ASCC3: variants seen among roughly 807,000 people sequenced by gnomAD.
ASCC3 encodes the protein ASC-1 complex subunit P200.
ASCC3 carries 158 observed loss-of-function variants against 256.3 expected under a neutral mutation model. That is an observed-to-expected ratio of 0.62 (90% CI 0.54 to 0.70). The LOEUF is 0.70. ASCC3 is among the 30% of genes least tolerant of loss of function. ASCC3 has a pLI of 0.00. For synonymous variants in ASCC3, 948 were observed against 883.4 expected (o/e 1.07, Z -1.30); for missense variants, 2,259 against 2,626.0 (o/e 0.86, Z 3.05).
intron 14 of ASCC3, among the ~76,000 whole-genome samples, chr6:100,664,646 T>C (rs1245976411): frequency 6.6e-6 from 1 of 152,164 alleles, no homozygotes; most frequent in Non-Finnish European, 1.5e-5. Context: ...ACTTTAGGAC[T>C]AATTACACTT....
intron 10 of ASCC3, among the ~76,000 whole-genome samples, chr6:100,741,929 T>C (rs1780453735): frequency 6.6e-6 from 1 of 152,204 alleles, no homozygotes; most frequent in Admixed American, 6.5e-5. Context: ...ATTGTGGTCA[T>C]TTGGAGAAGA....
At chr6:100,609,002 T>A (rs1487364243) in intron 30 of ASCC3, among the ~76,000 whole-genome samples, 2 of 150,378 alleles carry the variant, frequency 1.3e-5, no homozygotes, top group African/African-American at 2.4e-5. Flanking sequence ...GGCCTCGTGA[T>A]CCGCCCGTCT....
Position 100,836,732 on chromosome 6 carries a change from G to A in ASCC3, c.801+11416C>T, listed in dbSNP as rs9498404. ...TCTCGTTGTGTCCTTATCTGGTTTT[G>A]GTATCAGGATAGTGCTTAGCCTGTA... On this transcript the variant is annotated intron_variant, in intron 4 of 41. Transcript: ENST00000369162. Among the ~76,000 whole-genome samples the A allele has an allele frequency of 7.5e-3, 1,138 of 152,004 alleles. 16 individuals are homozygous for A. The highest frequency in any genetic ancestry group is 0.026 in the African/African-American group (1,067 of 41,476).
intron 13 of ASCC3, among the ~76,000 whole-genome samples, chr6:100,713,277 C>A (rs1012772352): frequency 6.6e-6 from 1 of 151,990 alleles, no homozygotes; most frequent in Non-Finnish European, 1.5e-5. Context: ...AAAAGACATG[C>A]GGAACCTAGA....
intron 16 of ASCC3, among the ~76,000 whole-genome samples, chr6:100,658,387 A>C (rs1032664177): frequency 6.6e-6 from 1 of 151,502 alleles, no homozygotes; most frequent in Non-Finnish European, 1.5e-5. Context: ...TATTTTTAAA[A>C]AATTGTTGAA....
chr6:100,818,039 C>T (rs990819069), intron 4 of ASCC3, among the ~76,000 whole-genome samples: 9 of 151,938 alleles, frequency 5.9e-5, no homozygotes, highest in Admixed American at 4.6e-4. Flanking sequence ...ATATAGAAAA[C>T]GAATTATAAA....
intron 37 of ASCC3, among the ~76,000 whole-genome samples, chr6:100,538,185 C>G (rs1164426774): frequency 3.3e-5 from 5 of 152,086 alleles, no homozygotes; most frequent in Non-Finnish European, 5.9e-5. Flanking sequence ...CTCTTCAACC[C>G]TTTCTGACCC....
chr6:100,646,659 G>A lies in ASCC3; in HGVS notation c.3589C>T (p.Arg1197Ter), dbSNP rs147239066. The stretch of plus-strand genomic sequence containing the variant: ...TCAGCATAGATGCTGAGTGTCACTC[G>A]GAGGACAGTCCTTGTGATAGGCTGA... ...SIQPITRTVL[R>*]VTLSIYADFT... The change falls in exon 22 of 42, where the codon CGA becomes TGA. Residue 1197 changes from arginine (R) to a stop codon, truncating the protein, a stop_gained. Transcript: ENST00000369162. LOFTEE classifies it high-confidence loss of function. 1.2e-5 allele frequency: 19 copies of A among 1,613,996 alleles called. No homozygotes were observed. Among genetic ancestry groups the A allele is most frequent in the Admixed American group, 1.7e-5 (1 of 60,006 alleles).
At chr6:100,510,691 C>A (rs1161597961) in intron 40 of ASCC3, among the ~76,000 whole-genome samples, 2 of 152,108 alleles carry the variant, frequency 1.3e-5, no homozygotes, top group Non-Finnish European at 2.9e-5. Flanking sequence ...GAGGAATGGG[C>A]AATTTTAAGT....
At chr6:100,876,212 T>C (rs1395709717) in intron 1 of ASCC3, among the ~76,000 whole-genome samples, 5 of 151,896 alleles carry the variant, frequency 3.3e-5, no homozygotes, top group Admixed American at 2.6e-4. Context: ...AGAGGGTGAA[T>C]GAGGAGAGAA....
At chr6:100,816,528 CTGGACA>C (rs1562317577) in intron 4 of ASCC3, among the ~76,000 whole-genome samples, 4 of 152,094 alleles carry the variant, frequency 2.6e-5, no homozygotes, top group African/African-American at 7.2e-5. Context: ...CATTGGTAGA[CTGGACA>C]ATGAAAATGT....
At chr6:100,627,531 A>T in intron 29 of ASCC3, 59 bp downstream of exon 29, 1 of 1,603,090 alleles carries the variant, frequency 6.2e-7, no homozygotes, top group Non-Finnish European at 8.5e-7. Context: ...CAATTAGAAG[A>T]TATTTGATAG....
chr6:100,676,737 C>T lies in ASCC3; in HGVS notation c.2286+2881G>A, dbSNP rs192230852. The stretch of plus-strand genomic sequence containing the variant: ...CTTATTACAAGCAAATGTATGTGTG[C>T]GCGCGCGTGCGCGCACACACACACT... On this transcript the variant is annotated intron_variant, in intron 14 of 41. Coordinates refer to ENST00000369162, the MANE Select transcript of ASCC3 (RefSeq NM_006828.4). Among the ~76,000 whole-genome samples the T allele has an allele frequency of 3.9e-4, 52 of 133,828 alleles. No homozygotes were observed. In the East Asian group the frequency reaches 0.011, roughly 28 times the overall value. 87.8% of individuals were successfully genotyped at this position (133,828 alleles called of 152,430 possible). A position where few individuals can be genotyped will look rare whatever the true frequency, so the allele number is the denominator to read the frequency against.
intron 13 of ASCC3, among the ~76,000 whole-genome samples, chr6:100,681,809 G>A (rs1314196514): frequency 1.3e-5 from 2 of 151,372 alleles, no homozygotes; most frequent in East Asian, 1.9e-4. Flanking sequence ...TGCAGGTACT[G>A]GGACATTCTG....
Position 100,589,739 on chromosome 6 carries a change from A to G in ASCC3, c.5445T>C (p.Tyr1815=), listed in dbSNP as rs780232246. Residue 1815 remains tyrosine, a synonymous_variant, in exon 36 of 42, where the codon TAT becomes TAC. Transcript: ENST00000369162. ...AATAGTAATAGGAGGCAATTCGGCC[A>G]TAAGTTAGAGGTTCAATGCTGCGAT... ...EDNRSIEPLT[Y]GRIASYYYLK... 28 of 1,613,694 alleles carry G rather than the reference A, an allele frequency of 1.7e-5. No individual in the cohort carries two copies. The East Asian group carries it at 5.1e-4, about 30-fold the overall frequency.
intron 36 of ASCC3, among the ~76,000 whole-genome samples, chr6:100,563,385 G>C (rs1237396869): frequency 6.6e-6 from 1 of 152,120 alleles, no homozygotes; most frequent in Non-Finnish European, 1.5e-5. Context: ...TATAGAATTA[G>C]AATCTAACTT....
At chr6:100,864,435 C>A (rs558380830) in intron 2 of ASCC3, among the ~76,000 whole-genome samples, 1 of 152,246 alleles carries the variant, frequency 6.6e-6, no homozygotes, top group East Asian at 1.9e-4. Context: ...ATAAAAGCTT[C>A]TTTTTACAGT....
chr6:100,716,792 C>A (rs1779107165), intron 12 of ASCC3, among the ~76,000 whole-genome samples: 1 of 151,854 alleles, frequency 6.6e-6, no homozygotes, highest in Admixed American at 6.6e-5. Context: ...GGTGATTTAA[C>A]AATTTGTATG....
intron 10 of ASCC3, among the ~76,000 whole-genome samples, chr6:100,745,476 G>T (rs1188930046): frequency 7.2e-6 from 1 of 139,624 alleles, no homozygotes; most frequent in Non-Finnish European, 1.5e-5. Context: ...GACAGAGTGA[G>T]ACTTGGTCTC....
Sources: allele counts gnomAD v4.1 joint callset (sites outside exome capture counted in the v4.1 genomes callset), GRCh38; gene constraint gnomAD v4.1.1; transcripts MANE v1.5; gene names NCBI Gene and HGNC (gene_info 2026-07-23, HGNC 2026-07-21).